Variants in PGD observed in about 807,000 individuals in gnomAD.
The protein encoded by PGD is 6-phosphogluconate dehydrogenase, decarboxylating.
In PGD, 21 loss-of-function variants were observed where a neutral mutation model predicts 60.4. The ratio of observed to expected loss-of-function variants is 0.35; its 90% CI spans 0.25 to 0.50. The LOEUF (loss-of-function observed/expected upper bound fraction) is 0.50. Ranked by LOEUF, PGD falls within the 20% of genes least tolerant of loss-of-function variation. The pLI is 0.98. For synonymous variants in PGD, 230 were observed against 235.9 expected, an observed-to-expected ratio of 0.97 and a Z score of 0.23; for missense variants, 477 against 613.1, an observed-to-expected ratio of 0.78 and a Z score of 2.34.
intron 9 of PGD, 112 bp downstream of exon 9, chr1:10,417,229 C>G: frequency 6.8e-7 from 1 of 1,462,058 alleles, no homozygotes; most frequent in Non-Finnish European, 9.4e-7. Flanking sequence ...GAATGAAGTT[C>G]AGCCTTGACT....
chr1:10,402,031 T>TAAATAAATA (rs1639324483), intron 3 of PGD, among the ~76,000 whole-genome samples: 1 of 144,752 alleles, frequency 6.9e-6, no homozygotes, highest in African/African-American at 2.5e-5. Context: ...ATAAATAAAT[T>TAAATAAATA]AATTAATTAA....
chr1:10,408,031 T>C, intron 5 of PGD, 40 bp from the exon 6 acceptor site: 1 of 1,214,380 alleles, frequency 8.2e-7, no homozygotes, highest in Non-Finnish European at 1.2e-6. Flanking sequence ...TCTCAGCCCG[T>C]CTCTTCTCAT....
intron 5 of PGD, among the ~76,000 whole-genome samples, chr1:10,406,127 A>T (rs1402625537): frequency 6.6e-6 from 1 of 152,210 alleles, no homozygotes; most frequent in Non-Finnish European, 1.5e-5. Context: ...TGCTGGGATT[A>T]CAGGTGTGAG....
intron 6 of PGD, among the ~76,000 whole-genome samples, chr1:10,408,527 G>A (rs1639446009): frequency 6.6e-6 from 1 of 152,176 alleles, no homozygotes; most frequent in South Asian, 2.1e-4. Context: ...AGGTACTGTT[G>A]CTGTGTCAAC....
At position 10,399,068 on chromosome 1, in the gene PGD, C is replaced by CA. The variant is rs969553373; in HGVS notation, c.-49dup. On this transcript the variant is annotated 5_prime_UTR_variant, in exon 1 of 13. Coordinates refer to ENST00000270776, the MANE Select transcript of PGD (RefSeq NM_002631.4). ...AGGGAGCCGCTGCGGGTCTTTCCCT[C>CA]ACTCGTCCTCCGCGCGTCGCCGCTC... The CA allele has an allele frequency of 1.2e-6, 2 of 1,608,048 alleles. No individual in the cohort carries two copies. The highest frequency in any genetic ancestry group is 2.7e-5 in the African/African-American group (2 of 74,868).
intron 4 of PGD, among the ~76,000 whole-genome samples, 163 bp from the exon 5 acceptor site, chr1:10,403,998 C>T (rs994325028): frequency 1.3e-5 from 2 of 152,164 alleles, no homozygotes; most frequent in Non-Finnish European, 2.9e-5. Flanking sequence ...CCTGAGTCAT[C>T]AGTTATTCCT....
At chr1:10,407,119 C>T (rs1179737143) in intron 5 of PGD, among the ~76,000 whole-genome samples, 2 of 152,028 alleles carry the variant, frequency 1.3e-5, no homozygotes, top group Non-Finnish European at 2.9e-5. Flanking sequence ...CAAGACCAGC[C>T]ACATCAACAT....
intron 6 of PGD, 140 bp downstream of exon 6, chr1:10,408,280 C>T (rs1639442304): frequency 1.5e-6 from 1 of 666,704 alleles, no homozygotes; most frequent in Admixed American, 2.3e-5. Flanking sequence ...GCTAGAATAG[C>T]CAACGCCTAG....
intron 10 of PGD, among the ~76,000 whole-genome samples, chr1:10,418,052 T>A (rs1639625876): frequency 6.6e-6 from 1 of 150,934 alleles, no homozygotes; most frequent in African/African-American, 2.4e-5. Flanking sequence ...AAAGTACTTC[T>A]GTGAACTATC....
At chr1:10,405,711 C>T (rs533879513) in intron 5 of PGD, among the ~76,000 whole-genome samples, 3 of 151,870 alleles carry the variant, frequency 2.0e-5, no homozygotes, top group South Asian at 2.1e-4. Context: ...TGGAGGGCAC[C>T]TCTAATCCCA....
chr1:10,411,080 G>T (rs1639491444), intron 6 of PGD, among the ~76,000 whole-genome samples: 1 of 151,960 alleles, frequency 6.6e-6, no homozygotes, highest in African/African-American at 2.4e-5. Context: ...TTTTTCTTGT[G>T]GGTGGGGGCT....
chr1:10,409,174 T>A (rs1639455994), intron 6 of PGD, among the ~76,000 whole-genome samples: 1 of 152,218 alleles, frequency 6.6e-6, no homozygotes, highest in Non-Finnish European at 1.5e-5. Flanking sequence ...ATTTTATTAT[T>A]CAATTTTATT....
At chr1:10,412,592 G>A (rs1639517758) in intron 7 of PGD, among the ~76,000 whole-genome samples, 3 of 152,244 alleles carry the variant, frequency 2.0e-5, no homozygotes, top group East Asian at 1.9e-4. Flanking sequence ...GCAAACACAC[G>A]AGTGCTTTAC....
At chr1:10,416,637 G>A (rs1444222368) in intron 8 of PGD, among the ~76,000 whole-genome samples, 1 of 152,196 alleles carries the variant, frequency 6.6e-6, no homozygotes, top group Non-Finnish European at 1.5e-5. Context: ...GGAGATAGGG[G>A]TGGGGCCATT....
chr1:10,420,302 A>G lies in PGD; in HGVS notation c.*553A>G, dbSNP rs1166780498. ...AGGAGGCAGGCAGGGAGGACACACC[A>G]GGGGCTTTAATACACTGGGCATGTT... is the stretch of plus-strand genomic sequence containing the variant. On this transcript the variant is annotated 3_prime_UTR_variant, in exon 13 of 13. Transcript: ENST00000270776. 6.6e-6 allele frequency among the ~76,000 whole-genome samples: 1 copy of G among 151,228 alleles called. No homozygotes were observed. The highest frequency in any genetic ancestry group is 2.4e-5 in the African/African-American group (1 of 41,198).
intron 5 of PGD, 31 bp downstream of exon 5, chr1:10,404,310 G>A (rs751733945): frequency 2.9e-6 from 4 of 1,364,936 alleles, no homozygotes; most frequent in Non-Finnish European, 4.1e-6. Flanking sequence ...GCCCATCTCT[G>A]TACAAGGGAG....
chr1:10,417,637 C>A, intron 10 of PGD, 128 bp downstream of exon 10: 1 of 837,278 alleles, frequency 1.2e-6, no homozygotes, highest in Non-Finnish European at 1.8e-6. Context: ...GACACTGGCA[C>A]AAGATAGGCT....
chr1:10,418,392 AAGGGTT>A (rs1639632109), intron 10 of PGD, among the ~76,000 whole-genome samples: 1 of 152,214 alleles, frequency 6.6e-6, no homozygotes. Flanking sequence ...TAAACAGGAA[AAGGGTT>A]AACAGCTTGA....
intron 8 of PGD, among the ~76,000 whole-genome samples, chr1:10,415,953 A>C (rs1639588755): frequency 6.6e-6 from 1 of 152,226 alleles, no homozygotes; most frequent in Non-Finnish European, 1.5e-5. Flanking sequence ...ATAAAAACCT[A>C]ACATTTTTTT....
Sources: gnomAD v4.1 joint callset for allele counts (sites outside exome capture counted in the v4.1 genomes callset) on GRCh38, gnomAD v4.1.1 for gene constraint, MANE v1.5 for transcripts, NCBI Gene and HGNC (gene_info 2026-07-23, HGNC 2026-07-21) for gene names.